HSPBAP1: variants seen among roughly 807,000 people sequenced by gnomAD.
HSPBAP1 encodes HSPB1 associated protein 1.
In HSPBAP1, 27 loss-of-function variants were observed where a neutral mutation model predicts 45.2. The observed-to-expected ratio is 0.60, with a 90% CI of 0.44 to 0.82. The LOEUF is 0.82. Ranked by LOEUF, HSPBAP1 falls within the 40% of genes least tolerant of loss-of-function variation. The probability of loss-of-function intolerance (pLI) is 0.00; values close to 1 mark genes in which losing one functional copy is unlikely to be tolerated. For missense variants in HSPBAP1, 510 were observed against 590.9 expected, an observed-to-expected ratio of 0.86 and a Z score of 1.42; for synonymous variants, 204 against 202.7, an observed-to-expected ratio of 1.01 and a Z score of -0.06.
intron 3 of HSPBAP1, among the ~76,000 whole-genome samples, chr3:122,766,152 C>T (rs1332464566): frequency 6.6e-6 from 1 of 152,110 alleles, no homozygotes; most frequent in Non-Finnish European, 1.5e-5. Flanking sequence ...TGACATTAAA[C>T]ATTTTTTGAA....
intron 3 of HSPBAP1, among the ~76,000 whole-genome samples, chr3:122,764,569 G>A (rs1934710297): frequency 6.6e-6 from 1 of 152,072 alleles, no homozygotes; most frequent in African/African-American, 2.4e-5. Flanking sequence ...CCTTGAGATG[G>A]CCTAAAAGTA....
intron 6 of HSPBAP1, among the ~76,000 whole-genome samples, chr3:122,746,538 T>A (rs1407459097): frequency 3.3e-5 from 5 of 151,482 alleles, no homozygotes; most frequent in Non-Finnish European, 7.4e-5. Flanking sequence ...GAAAACAAAC[T>A]GTAAAATAAA....
At chr3:122,779,915 A>G (rs1021952147) in intron 1 of HSPBAP1, among the ~76,000 whole-genome samples, 2 of 151,862 alleles carry the variant, frequency 1.3e-5, no homozygotes, top group African/African-American at 4.8e-5. Context: ...TTCTTTCTAC[A>G]CAGACACGGC....
At chr3:122,792,390 G>A (rs550889304) in intron 1 of HSPBAP1, among the ~76,000 whole-genome samples, 58 of 152,250 alleles carry the variant, frequency 3.8e-4, no homozygotes, top group African/African-American at 1.4e-3. Context: ...TTCTGGATAA[G>A]GGGGTGCAGT....
chr3:122,790,410 T>C (rs149090480), intron 1 of HSPBAP1, among the ~76,000 whole-genome samples: 157 of 152,266 alleles, frequency 1.0e-3, no homozygotes, highest in African/African-American at 3.7e-3. Context: ...GAAATTATCC[T>C]AGGAAGCACA....
intron 4 of HSPBAP1, among the ~76,000 whole-genome samples, chr3:122,756,439 C>T (rs1934358309): frequency 1.3e-5 from 2 of 152,148 alleles, no homozygotes; most frequent in Admixed American, 6.5e-5. Context: ...GTAACCTCAG[C>T]ACTTTGGGAG....
intron 6 of HSPBAP1, among the ~76,000 whole-genome samples, chr3:122,746,782 G>A (rs900399966): frequency 6.0e-4 from 92 of 152,234 alleles, no homozygotes; most frequent in Non-Finnish European, 1.1e-3. Context: ...CCTGCCGAGT[G>A]CCTGCGATTG....
At position 122,793,831 on chromosome 3, in the gene HSPBAP1, C is replaced by G. The variant is rs1475601255; in HGVS notation, c.-151G>C. 1 of 639,102 alleles carries G rather than the reference C, an allele frequency of 1.6e-6. No homozygotes were observed. Among genetic ancestry groups the G allele is most frequent in the East Asian group, 2.8e-5 (1 of 35,518 alleles). The allele number at this position is 639,102 out of a possible 1,614,324, so 39.6% of individuals were successfully genotyped here. Reference sequence around the variant, plus strand: ...GCTCCTACGGAAACGCCGGCTCTCACGTGGAGGTCACGTGACGGATGCTGG... The same window carrying G: ...GCTCCTACGGAAACGCCGGCTCTCAGGTGGAGGTCACGTGACGGATGCTGG... On this transcript the variant is annotated 5_prime_UTR_variant, in exon 1 of 8. Transcript: ENST00000306103.
At chr3:122,766,367 G>T (rs1934780980) in intron 3 of HSPBAP1, among the ~76,000 whole-genome samples, 1 of 152,196 alleles carries the variant, frequency 6.6e-6, no homozygotes, top group Admixed American at 6.5e-5. Flanking sequence ...TGTGATGTAA[G>T]AAGACTTGGT....
At chr3:122,766,861 G>A (rs892570856) in intron 3 of HSPBAP1, among the ~76,000 whole-genome samples, 7 of 152,152 alleles carry the variant, frequency 4.6e-5, no homozygotes, top group African/African-American at 1.7e-4. Context: ...AAATCATAGA[G>A]TTACTTTGAG....
At chr3:122,760,237 C>G (rs1934522065) in intron 3 of HSPBAP1, among the ~76,000 whole-genome samples, 1 of 151,008 alleles carries the variant, frequency 6.6e-6, no homozygotes, top group South Asian at 2.1e-4. Context: ...AAACCCAAAT[C>G]CATGTGATTA....
At chr3:122,752,126 A>G (rs1174047406) in intron 6 of HSPBAP1, among the ~76,000 whole-genome samples, 1 of 152,228 alleles carries the variant, frequency 6.6e-6, no homozygotes, top group Non-Finnish European at 1.5e-5. Flanking sequence ...CAGAAATGAA[A>G]TGATAAAAAC....
chr3:122,761,599 C>G (rs917260146), intron 3 of HSPBAP1: 1 of 148,576 alleles, frequency 6.7e-6, no homozygotes, highest in African/African-American at 2.5e-5. Flanking sequence ...TGGTGAGGCT[C>G]TGTCTCTACA....
chr3:122,786,398 A>G (rs188438951), intron 1 of HSPBAP1: 31 of 152,312 alleles, frequency 2.0e-4, no homozygotes, highest in Middle Eastern at 3.4e-3. Context: ...CGATTTATTT[A>G]TTCTACTTAC....
chr3:122,746,098 A>G (rs758798575), intron 6 of HSPBAP1, among the ~76,000 whole-genome samples: 7 of 152,192 alleles, frequency 4.6e-5, no homozygotes, highest in Non-Finnish European at 8.8e-5. Context: ...GGATAAGGAG[A>G]TACTACTGTA....
At chr3:122,747,603 G>A (rs1221794071) in intron 6 of HSPBAP1, among the ~76,000 whole-genome samples, 4 of 142,312 alleles carry the variant, frequency 2.8e-5, no homozygotes, top group Non-Finnish European at 3.1e-5. Context: ...CGCCCCGCCC[G>A]GCCAGCCGCC....
intron 6 of HSPBAP1, among the ~76,000 whole-genome samples, chr3:122,748,038 G>A (rs1007112761): frequency 1.3e-5 from 2 of 152,220 alleles, no homozygotes; most frequent in Admixed American, 6.5e-5. Flanking sequence ...TCTGTACTAA[G>A]AAAAATTCTT....
chr3:122,768,807 G>C lies in HSPBAP1; in HGVS notation c.326C>G (p.Ser109Cys), dbSNP rs1576258412. Reference protein sequence around the residue: ...EEFLTWNCDQSSISGPFRDYD... With the variant: ...EEFLTWNCDQCSISGPFRDYD... ...ATCTCTAAATGGTCCAGAAATACTA[G>C]ACTGGTCACAGTTCCAGGTCAGAAA... Residue 109 changes from serine to cysteine, a missense_variant, in exon 3 of 8, where the codon TCT becomes TGT. Physicochemically the swap from Ser to Cys is moderately radical, Grantham distance 112. Coordinates refer to ENST00000306103, the MANE Select transcript of HSPBAP1 (RefSeq NM_024610.6). The C allele has an allele frequency of 6.2e-7, 1 of 1,610,790 alleles. No individual in the cohort carries two copies. Among genetic ancestry groups the C allele is most frequent in the Non-Finnish European group, 8.5e-7 (1 of 1,177,020 alleles).
At chr3:122,786,764 A>G (rs1305897338) in intron 1 of HSPBAP1, among the ~76,000 whole-genome samples, 1 of 152,228 alleles carries the variant, frequency 6.6e-6, no homozygotes, top group Non-Finnish European at 1.5e-5. Context: ...AAAGCAGAGT[A>G]GCAGGATGTT....
Sources: allele counts gnomAD v4.1 joint callset (sites outside exome capture counted in the v4.1 genomes callset), GRCh38; gene constraint gnomAD v4.1.1; transcripts MANE v1.5; gene names NCBI Gene and HGNC (gene_info 2026-07-23, HGNC 2026-07-21).